The following FAT4 variants were observed in gnomAD, a reference collection of about 807,000 sequenced individuals.
FAT4 encodes the protein protocadherin Fat 4.
A neutral mutation model predicts 303.9 loss-of-function variants in FAT4; 84 were observed. The observed-to-expected ratio is 0.28, with a 90% CI of 0.23 to 0.33. The LOEUF (loss-of-function observed/expected upper bound fraction) is 0.33. FAT4 is among the 10% of genes least tolerant of loss of function. FAT4 has a pLI of 1.00. For synonymous variants in FAT4, 2,307 were observed against 2,298.8 expected (o/e 1.00, Z -0.10); for missense variants, 6,005 against 6,146.8 (o/e 0.98, Z 0.77).
intron 10 of FAT4, among the ~76,000 whole-genome samples, chr4:125,453,875 G>A (rs1254548764): frequency 6.6e-6 from 1 of 152,026 alleles, no homozygotes; most frequent in Non-Finnish European, 1.5e-5. Flanking sequence ...CACCCTAGTG[G>A]GATATGATGT....
In FAT4 at chr4:125,481,744, A is replaced by G. The variant is rs1218538789; in HGVS notation, c.12822+6A>G. The G allele has an allele frequency of 1.2e-6, 2 of 1,612,224 alleles. No individual in the cohort carries two copies. The highest frequency in any genetic ancestry group is 2.7e-5 in the African/African-American group (2 of 75,004). On this transcript the variant is annotated splice_donor_region_variant and intron_variant, in intron 16 of 17. Coordinates refer to ENST00000394329, the MANE Select transcript of FAT4 (RefSeq NM_001291303.3). ...GCAATTACACTACTGTGAAGGTGAG[A>G]TAAAAGCTAATGGTGACTTCATTTG...
At chr4:125,416,084 G>A (rs1344859953) in intron 6 of FAT4, among the ~76,000 whole-genome samples, 4 of 152,008 alleles carry the variant, frequency 2.6e-5, no homozygotes, top group Non-Finnish European at 4.4e-5. Flanking sequence ...TTTGAATTTT[G>A]TTCCACAAGG....
At chr4:125,396,956 AT>A (rs1560797499) in intron 2 of FAT4, among the ~76,000 whole-genome samples, 10 of 97,668 alleles carry the variant, frequency 1.0e-4, no homozygotes, top group African/African-American at 3.1e-4. Flanking sequence ...ATATATATAT[AT>A]ATATATATAA....
At chr4:125,457,075 T>C (rs1323189724) in intron 10 of FAT4, among the ~76,000 whole-genome samples, 2 of 152,008 alleles carry the variant, frequency 1.3e-5, no homozygotes, top group Non-Finnish European at 2.9e-5. Flanking sequence ...TTCTGAACTT[T>C]CTGCTTAAAA....
chr4:125,416,157 T>C lies in FAT4; in HGVS notation c.6844-291T>C, dbSNP rs115421593. ...AATGTTTGAAACTTCGTTATAAATA[T>C]TGTTCTACTCTTTTCCTTCATATAT... On this transcript the variant is annotated intron_variant, in intron 6 of 17. Transcript: ENST00000394329. Among the ~76,000 whole-genome samples the C allele has an allele frequency of 7.8e-3, 1,185 of 152,306 alleles. 9 individuals carry two copies. The highest frequency in any genetic ancestry group is 0.013 in the Non-Finnish European group (855 of 68,018).
At chr4:125,486,008 G>A (rs1414321412) in intron 16 of FAT4, among the ~76,000 whole-genome samples, 7 of 152,150 alleles carry the variant, frequency 4.6e-5, no homozygotes, top group Admixed American at 6.6e-5. Flanking sequence ...CATTAAGAAT[G>A]TTATAATGGG....
rs141297199 is a variant in FAT4, at chr4:125,477,330, G to T, written c.12475G>T (p.Asp4159Tyr). 5.1e-6 allele frequency: 8 copies of T among 1,564,270 alleles called. No individual in the cohort carries two copies. The highest frequency in any genetic ancestry group is 6.9e-6 in the Non-Finnish European group (8 of 1,153,310). The change falls in exon 14 of 18, where the codon GAT becomes TAT. Residue 4159 changes from aspartate (D) to tyrosine (Y), a missense_variant. Asp to Tyr is a radical substitution (Grantham distance 160, BLOSUM62 -3). Transcript: ENST00000394329. ...AGCTTTGGCAGCACAAGGCATCCTAGATCAGTATGGCGATTTTATTTCTTA... is the reference window on the plus strand; with the variant it reads ...AGCTTTGGCAGCACAAGGCATCCTATATCAGTATGGCGATTTTATTTCTTA... The part of the protein sequence containing the change: ...SQALAAQGIL[D>Y]QCPRLEGACT...
chr4:125,461,849 A>C (rs1376162935), intron 10 of FAT4, among the ~76,000 whole-genome samples: 3 of 151,946 alleles, frequency 2.0e-5, no homozygotes, highest in African/African-American at 7.2e-5. Flanking sequence ...CCTTCACATA[A>C]TCAGTTGAAA....
intron 2 of FAT4, among the ~76,000 whole-genome samples, chr4:125,380,250 C>T (rs912262672): frequency 1.3e-5 from 2 of 152,040 alleles, no homozygotes; most frequent in Non-Finnish European, 2.9e-5. Flanking sequence ...AGATATAAAT[C>T]GAAAGAGATA....
intron 7 of FAT4, among the ~76,000 whole-genome samples, chr4:125,419,124 G>A (rs1276650748): frequency 6.6e-6 from 1 of 152,054 alleles, no homozygotes; most frequent in African/African-American, 2.4e-5. Context: ...TTGTATCTAT[G>A]ATTGGAAATA....
Position 125,450,036 on chromosome 4 carries a change from C to T in FAT4, c.9026C>T (p.Ala3009Val), listed in dbSNP as rs1725992954. 6.2e-7 allele frequency: 1 copy of T among 1,613,794 alleles called. No individual in the cohort carries two copies. The highest frequency in any genetic ancestry group is 1.7e-5 in the Admixed American group (1 of 59,984). The change falls in exon 10 of 18, where the codon GCA (alanine) becomes GTA (valine). Residue 3009 changes from alanine (A) to valine (V), a missense_variant. Coordinates refer to ENST00000394329, the MANE Select transcript of FAT4 (RefSeq NM_001291303.3). ...GGTACGAAGTTAATCAGAGTTACAG[C>T]AATAGATGACAAAGATTTTGGACTG... is the stretch of plus-strand genomic sequence containing the variant. ...KVGTKLIRVT[A>V]IDDKDFGLNS...
At position 125,319,831 on chromosome 4, in the gene FAT4, A is replaced by C. The variant is rs1421949231; in HGVS notation, c.3420A>C (p.Glu1140Asp). The part of the protein sequence containing the change: ...GPNGEVRYSF[E>D]MVQPDFELHA... Reference sequence around the variant, plus strand: ...ATGGAGAAGTAAGGTATTCTTTTGAAATGGTGCAGCCAGATTTTGAGTTGC... The same window carrying C: ...ATGGAGAAGTAAGGTATTCTTTTGACATGGTGCAGCCAGATTTTGAGTTGC... Residue 1140 changes from glutamate (E) to aspartate (D), a missense_variant, in exon 2 of 18, where the codon GAA (glutamate) becomes GAC (aspartate). Coordinates refer to ENST00000394329, the MANE Select transcript of FAT4 (RefSeq NM_001291303.3). 2.5e-6 allele frequency: 4 copies of C among 1,614,182 alleles called. No homozygotes were observed. The highest frequency in any genetic ancestry group is 3.4e-6 in the Non-Finnish European group (4 of 1,180,036).
intron 16 of FAT4, 26 bp downstream of exon 16, chr4:125,481,764 C>T (rs1261086946): frequency 6.3e-7 from 1 of 1,598,852 alleles, no homozygotes; most frequent in South Asian, 1.1e-5. Flanking sequence ...ATGGTGACTT[C>T]ATTTGATTAG....
intron 5 of FAT4, 97 bp downstream of exon 5, chr4:125,408,891 AT>A (rs912153432): frequency 1.6e-6 from 1 of 615,042 alleles, no homozygotes. Context: ...ACAAAAATGC[AT>A]TTTGTGAATA....
At position 125,485,266 on chromosome 4, in the gene FAT4, T is replaced by C. The variant is rs182290325; in HGVS notation, c.12823-2079T>C. The stretch of plus-strand genomic sequence containing the variant: ...TAAATTAACTTTAGCTTACTGTAAC[T>C]CTTTTAGTTTATAAACTTAAAATTT... On this transcript the variant is annotated intron_variant, in intron 16 of 17. Transcript: ENST00000394329. Among the ~76,000 whole-genome samples, 158 of 67,840 alleles carry C rather than the reference T, an allele frequency of 2.3e-3. 1 individual carries two copies. The highest frequency in any genetic ancestry group is 8.5e-3 in the African/African-American group (153 of 17,916). The allele number at this position is 67,840 out of a possible 152,430, so 44.5% of individuals were successfully genotyped here. A position where few individuals can be genotyped will look rare whatever the true frequency, so the allele number is the denominator to read the frequency against.
intron 9 of FAT4, 151 bp downstream of exon 9, chr4:125,446,694 A>G (rs950574062): frequency 7.1e-5 from 51 of 716,406 alleles, no homozygotes; most frequent in Non-Finnish European, 1.0e-4. Flanking sequence ...TCTGATGGAA[A>G]TGAAAAAATG....
At chr4:125,469,811 G>A (rs4834048) in intron 12 of FAT4, among the ~76,000 whole-genome samples, 3 of 151,750 alleles carry the variant, frequency 2.0e-5, no homozygotes, top group East Asian at 1.9e-4. Context: ...AACTTCCTCC[G>A]AACTCCTTTT....
At chr4:125,419,122 A>G (rs931566001) in intron 7 of FAT4, among the ~76,000 whole-genome samples, 3 of 152,204 alleles carry the variant, frequency 2.0e-5, no homozygotes, top group African/African-American at 7.2e-5. Flanking sequence ...GTTTGTATCT[A>G]TGATTGGAAA....
At chr4:125,467,002 C>A (rs1726688602) in intron 11 of FAT4, among the ~76,000 whole-genome samples, 1 of 151,998 alleles carries the variant, frequency 6.6e-6, no homozygotes. Flanking sequence ...TGGTCTTGAT[C>A]TCCTGACCTC....
Sources: gnomAD v4.1 joint callset for allele counts (sites outside exome capture counted in the v4.1 genomes callset) on GRCh38, gnomAD v4.1.1 for gene constraint, MANE v1.5 for transcripts, NCBI Gene and HGNC (gene_info 2026-07-23, HGNC 2026-07-21) for gene names.